CSF2RB: variants seen among roughly 807,000 people sequenced by gnomAD.
CSF2RB encodes colony stimulating factor 2 receptor subunit beta, also known as cytokine receptor common subunit beta.
CSF2RB carries 22 observed loss-of-function variants against 67.2 expected under a neutral mutation model. The observed-to-expected ratio is 0.33, with a 90% confidence interval of 0.23 to 0.47. CSF2RB has a LOEUF of 0.47. Among genes scored for constraint, CSF2RB ranks in the 20% least tolerant of loss-of-function variants. CSF2RB has a pLI of 1.00. For synonymous variants in CSF2RB, 507 were observed against 482.9 expected, an observed-to-expected ratio of 1.05 and a Z score of -0.65; for missense variants, 1,113 against 1,174.5, an observed-to-expected ratio of 0.95 and a Z score of 0.76.
chr22:36,935,784 G>A (rs1941254258), intron 12 of CSF2RB, 97 bp downstream of exon 12: 12 of 1,369,710 alleles, frequency 8.8e-6, no homozygotes, highest in Non-Finnish European at 1.2e-5. Flanking sequence ...TGGGCTTTGG[G>A]TGGTAGGGAT....
chr22:36,918,938 G>A (rs1318909275), intron 1 of CSF2RB, among the ~76,000 whole-genome samples: 1 of 152,166 alleles, frequency 6.6e-6, no homozygotes, highest in African/African-American at 2.4e-5. Context: ...CCAAGTTGCA[G>A]GCTGGAAGAA....
chr22:36,931,392 G>T (rs1005197902), intron 8 of CSF2RB, among the ~76,000 whole-genome samples: 1 of 152,206 alleles, frequency 6.6e-6, no homozygotes. Context: ...AAGGGCAGAG[G>T]CCAATTTGTC....
intron 1 of CSF2RB, among the ~76,000 whole-genome samples, chr22:36,919,585 G>A (rs565624939): frequency 6.8e-4 from 99 of 146,314 alleles, no homozygotes; most frequent in African/African-American, 2.2e-3. Context: ...TTTTTTTTGC[G>A]TTTTTAGTAA....
rs145721314 is a variant in CSF2RB at position 36,937,854 on chromosome 22, G to C, written c.2046G>C (p.Arg682Ser). 3.7e-6 allele frequency: 6 copies of C among 1,613,782 alleles called. No individual in the cohort carries two copies. The highest frequency in any genetic ancestry group is 5.1e-6 in the Non-Finnish European group (6 of 1,179,852). ...CTGCCCCTCCTGCTCTTGGGCCAAG[G>C]GTGGGAGGACAGGACCAAAAGGACA... ...GGPAPPALGP[R>S]VGGQDQKDSP... Residue 682 changes from arginine (R) to serine (S), a missense_variant, in exon 14 of 14, where the codon AGG becomes AGC. Physicochemically the swap from Arg to Ser is moderately radical, Grantham distance 110. Transcript: ENST00000403662. The surrounding 1 kb of genome is among the most constrained non-coding windows in gnomAD (Gnocchi z 4.6).
At chr22:36,931,409 A>G (rs1007574514) in intron 8 of CSF2RB, among the ~76,000 whole-genome samples, 1 of 152,250 alleles carries the variant, frequency 6.6e-6, no homozygotes, top group South Asian at 2.1e-4. Context: ...TGTCTTAATT[A>G]CCTGGGTTTG....
At chr22:36,914,756 G>A (rs1447663596) in intron 1 of CSF2RB, among the ~76,000 whole-genome samples, 2 of 152,042 alleles carry the variant, frequency 1.3e-5, no homozygotes, top group Non-Finnish European at 2.9e-5. Flanking sequence ...ATTTTATAAT[G>A]AGTAAACATT....
Position 36,937,824 on chromosome 22 carries a change from A to T in CSF2RB, c.2016A>T (p.Gly672=). 1 of 1,606,750 alleles carries T rather than the reference A, an allele frequency of 6.2e-7. No homozygotes were observed. Among genetic ancestry groups the T allele is most frequent in the Non-Finnish European group, 8.5e-7 (1 of 1,177,090 alleles). The part of the protein sequence containing the change: ...AAGSPSLESG[G]GPAPPALGPR... The stretch of plus-strand genomic sequence containing the variant: ...GGAGTCCCTCCCTGGAGTCCGGGGG[A>T]GGCCCTGCCCCTCCTGCTCTTGGGC... The change falls in exon 14 of 14, where the codon GGA becomes GGT. Residue 672 remains glycine (G), a synonymous_variant. Coordinates refer to ENST00000403662, the MANE Select transcript of CSF2RB (RefSeq NM_000395.3). The surrounding 1 kb of genome is among the most constrained non-coding windows in gnomAD (Gnocchi z 4.6).
chr22:36,939,535 A>C lies in CSF2RB; in HGVS notation c.*1033A>C, dbSNP rs1941344775. ...TGGTTCTTTTAAATCTTTGCCTTTC[A>C]GATACAGGAAAAATAATGGCATTAA... On this transcript the variant is annotated 3_prime_UTR_variant, in exon 14 of 14. Transcript: ENST00000403662. 2 of 332,498 alleles carry C rather than the reference A, an allele frequency of 6.0e-6. No individual in the cohort carries two copies. Among genetic ancestry groups the C allele is most frequent in the Non-Finnish European group, 1.1e-5 (2 of 178,252 alleles). The allele number at this position is 332,498 out of a possible 1,614,324, so 20.6% of individuals were successfully genotyped here. A position where few individuals can be genotyped will look rare whatever the true frequency, so the allele number is the denominator to read the frequency against.
intron 2 of CSF2RB, chr22:36,922,871 G>C: frequency 2.9e-6 from 1 of 348,942 alleles, no homozygotes; most frequent in South Asian, 2.7e-5. Flanking sequence ...ACTCTGCCAC[G>C]CTGCATCCCA....
chr22:36,929,266 G>C, intron 4 of CSF2RB, 136 bp from the exon 5 acceptor site: 1 of 1,101,048 alleles, frequency 9.1e-7, no homozygotes. Flanking sequence ...AGAGGAGACG[G>C]GTCTTGCTCA....
intron 2 of CSF2RB, chr22:36,922,625 G>A (rs548383734): frequency 1.2e-4 from 54 of 456,270 alleles, no homozygotes; most frequent in South Asian, 1.0e-3. Flanking sequence ...TCCCACCTCC[G>A]GGACTTTGCT....
rs117805308 is a variant in CSF2RB, at chr22:36,930,752, G to A, written c.934G>A (p.Asp312Asn). The change falls in exon 8 of 14, where the codon GAC (aspartate) becomes AAC (asparagine). Residue 312 changes from aspartate (D) to asparagine (N), a missense_variant. Physicochemically the swap from Asp to Asn is conservative, Grantham distance 23 (BLOSUM62 1). Coordinates refer to ENST00000403662, the MANE Select transcript of CSF2RB (RefSeq NM_000395.3). ...GCACCACTGCCAGATTCCCGTGCCCGACCCCGCGACCCACGGCCAATACAT... is the reference window on the plus strand; with the variant it reads ...GCACCACTGCCAGATTCCCGTGCCCAACCCCGCGACCCACGGCCAATACAT... The part of the protein sequence containing the change: ...TRHHCQIPVP[D>N]PATHGQYIVS... The A allele has an allele frequency of 0.017, 26,980 of 1,613,890 alleles. 274 individuals are homozygous for A. The highest frequency in any genetic ancestry group is 0.02 in the Non-Finnish European group (23,731 of 1,180,030).
chr22:36,916,596 G>A (rs1940718123), intron 1 of CSF2RB, among the ~76,000 whole-genome samples: 1 of 152,170 alleles, frequency 6.6e-6, no homozygotes, highest in Non-Finnish European at 1.5e-5. Flanking sequence ...AGTGGCTCAT[G>A]CCTATAATCC....
In CSF2RB at chr22:36,937,899, G is replaced by A. The variant is rs138676111; in HGVS notation, c.2091G>A (p.Met697Ile). 246 of 1,614,026 alleles carry A rather than the reference G, an allele frequency of 1.5e-4. No individual in the cohort carries two copies. Among genetic ancestry groups the A allele is most frequent in the South Asian group, 1.1e-3 (100 of 91,090 alleles). ...DQKDSPVAIP[M>I]SSGDTEDPGV... ...AGGACAGCCCTGTGGCTATACCCAT[G>A]AGCTCTGGGGACACTGAGGACCCTG... The change falls in exon 14 of 14, where the codon ATG becomes ATA. Residue 697 changes from methionine to isoleucine, a missense_variant. Met to Ile is a conservative substitution (Grantham distance 10). Coordinates refer to ENST00000403662, the MANE Select transcript of CSF2RB (RefSeq NM_000395.3). This position sits in a 1 kb window ranked among gnomAD's most constrained non-coding sequence, Gnocchi z 4.6.
intron 8 of CSF2RB, 37 bp from the exon 9 acceptor site, chr22:36,932,728 G>T (rs550421187): frequency 1.2e-6 from 2 of 1,607,572 alleles, no homozygotes; most frequent in South Asian, 2.2e-5. Context: ...TTGGAGGGTG[G>T]GTATGATGAC....
intron 12 of CSF2RB, 25 bp downstream of exon 12, chr22:36,935,712 A>G (rs1601592943): frequency 6.2e-7 from 1 of 1,607,516 alleles, no homozygotes; most frequent in Non-Finnish European, 8.5e-7. Context: ...CGAGGGGCGG[A>G]GTGGGGGCTT....
chr22:36,933,016 G>C (rs1941187415), intron 9 of CSF2RB, 112 bp downstream of exon 9: 1 of 1,333,674 alleles, frequency 7.5e-7, no homozygotes, highest in Non-Finnish European at 1.0e-6. Context: ...TGACCAGTGA[G>C]AGGTAGCCAC....
chr22:36,939,338 AG>A lies in CSF2RB; in HGVS notation c.*837del. 1 of 694,072 alleles carries A rather than the reference AG, an allele frequency of 1.4e-6. No homozygotes were observed. The highest frequency in any genetic ancestry group is 2.3e-4 in the Middle Eastern group (1 of 4,306). The allele number at this position is 694,072 out of a possible 1,614,324, so 43.0% of individuals were successfully genotyped here. The stretch of plus-strand genomic sequence containing the variant: ...CCAGAGCCCACGTCTACTGCGGAAA[AG>A]TCAGGGGAAACTGCCAAACAAAGGA... On this transcript the variant is annotated 3_prime_UTR_variant, in exon 14 of 14. Transcript: ENST00000403662.
intron 3 of CSF2RB, among the ~76,000 whole-genome samples, chr22:36,925,394 C>A (rs528689317): frequency 1.3e-5 from 2 of 152,280 alleles, no homozygotes; most frequent in African/African-American, 4.8e-5. Context: ...AACCGAGGAC[C>A]CTCAGGAATC....
Sources: gnomAD v4.1 joint callset for allele counts (sites outside exome capture counted in the v4.1 genomes callset) on GRCh38, gnomAD v4.1.1 for gene constraint, Gnocchi (gnomAD v3.1) non-coding constraint, MANE v1.5 for transcripts, NCBI Gene and HGNC (gene_info 2026-07-23, HGNC 2026-07-21) for gene names.